The following PLCXD3 variants were observed in gnomAD, a reference collection of about 807,000 sequenced individuals.
The protein encoded by PLCXD3 is phosphatidylinositol specific phospholipase C X domain containing 3, also known as PI-PLC X domain-containing protein 3.
PLCXD3 carries 19 observed loss-of-function variants against 25.5 expected under a neutral mutation model. The observed-to-expected ratio is 0.75, with a 90% CI of 0.52 to 1.09. The LOEUF (loss-of-function observed/expected upper bound fraction) is 1.09, where lower values mean the gene tolerates loss of function less well. PLCXD3 is among the 50% of genes least tolerant of loss of function. PLCXD3 has a pLI of 0.00. For missense variants in PLCXD3, 411 were observed against 388.1 expected, an observed-to-expected ratio of 1.06 and a Z score of -0.50; for synonymous variants, 174 against 137.6, an observed-to-expected ratio of 1.26 and a Z score of -1.85.
chr5:41,361,095 G>C (rs879631425), intron 2 of PLCXD3, among the ~76,000 whole-genome samples: 1 of 152,030 alleles, frequency 6.6e-6, no homozygotes, highest in African/African-American at 2.4e-5. Flanking sequence ...TGTGGGGGAT[G>C]GGGGTGTGGA....
chr5:41,378,368 G>T (rs1745358598), intron 2 of PLCXD3, among the ~76,000 whole-genome samples: 1 of 152,096 alleles, frequency 6.6e-6, no homozygotes, highest in African/African-American at 2.4e-5. Context: ...ACTGGAGAGT[G>T]CCAGCACATC....
intron 1 of PLCXD3, among the ~76,000 whole-genome samples, chr5:41,476,895 A>G (rs1213706757): frequency 6.6e-6 from 1 of 152,214 alleles, no homozygotes; most frequent in Non-Finnish European, 1.5e-5. Context: ...GTCAAGAATG[A>G]TTCTGGAGAG....
chr5:41,434,645 T>C (rs1383780804), intron 1 of PLCXD3, among the ~76,000 whole-genome samples: 1 of 152,210 alleles, frequency 6.6e-6, no homozygotes, highest in Non-Finnish European at 1.5e-5. Flanking sequence ...ATTAGGGGTA[T>C]AAATTATAAA....
intron 2 of PLCXD3, among the ~76,000 whole-genome samples, chr5:41,327,386 T>G (rs1743663709): frequency 6.6e-6 from 1 of 150,784 alleles, no homozygotes; most frequent in African/African-American, 2.4e-5. Flanking sequence ...AAAGAAATTT[T>G]TAAAAAATTT....
At chr5:41,391,464 G>A (rs928540842) in intron 1 of PLCXD3, among the ~76,000 whole-genome samples, 1 of 152,158 alleles carries the variant, frequency 6.6e-6, no homozygotes, top group African/African-American at 2.4e-5. Flanking sequence ...TGGGCCAGAA[G>A]GGAACCTGCT....
chr5:41,404,887 A>T (rs752040275), intron 1 of PLCXD3, among the ~76,000 whole-genome samples: 1 of 152,152 alleles, frequency 6.6e-6, no homozygotes, highest in South Asian at 2.1e-4. Flanking sequence ...GTGAATGTTC[A>T]ATTCCAGTAT....
At chr5:41,470,600 G>C (rs1411958688) in intron 1 of PLCXD3, among the ~76,000 whole-genome samples, 5 of 152,148 alleles carry the variant, frequency 3.3e-5, no homozygotes, top group African/African-American at 1.2e-4. Flanking sequence ...GCATACCATG[G>C]AAATTGAAGG....
intron 1 of PLCXD3, among the ~76,000 whole-genome samples, chr5:41,509,015 T>C (rs755740684): frequency 3.3e-5 from 5 of 152,180 alleles, no homozygotes; most frequent in Admixed American, 2.6e-4. Flanking sequence ...CAGCCCCTTC[T>C]GTGGATAGCA....
At chr5:41,458,420 G>T (rs1430357663) in intron 1 of PLCXD3, among the ~76,000 whole-genome samples, 1 of 151,900 alleles carries the variant, frequency 6.6e-6, no homozygotes, top group Non-Finnish European at 1.5e-5. Flanking sequence ...AATGTGACCA[G>T]GCTGAATAGG....
chr5:41,395,357 G>A (rs997755260), intron 1 of PLCXD3, among the ~76,000 whole-genome samples: 1 of 151,910 alleles, frequency 6.6e-6, no homozygotes, highest in African/African-American at 2.4e-5. Context: ...AGCTATAAGT[G>A]CCTACATCAA....
chr5:41,411,264 A>C (rs909903147), intron 1 of PLCXD3, among the ~76,000 whole-genome samples: 1 of 152,238 alleles, frequency 6.6e-6, no homozygotes, highest in Non-Finnish European at 1.5e-5. Context: ...AAAATCTGAA[A>C]TAACACAACA....
chr5:41,413,313 C>A (rs1290738471), intron 1 of PLCXD3, among the ~76,000 whole-genome samples: 4 of 152,074 alleles, frequency 2.6e-5, no homozygotes, highest in African/African-American at 9.7e-5. Context: ...TCAGACCAGG[C>A]AAATCAAGAA....
At chr5:41,476,652 C>T (rs1007742414) in intron 1 of PLCXD3, among the ~76,000 whole-genome samples, 1 of 152,138 alleles carries the variant, frequency 6.6e-6, no homozygotes, top group Non-Finnish European at 1.5e-5. Context: ...CTTTTTTCCC[C>T]CTGATTTTTC....
intron 1 of PLCXD3, among the ~76,000 whole-genome samples, chr5:41,446,356 C>A (rs1414802593): frequency 6.6e-6 from 1 of 151,724 alleles, no homozygotes; most frequent in Non-Finnish European, 1.5e-5. Flanking sequence ...CACATTCATA[C>A]CAAAGCCATT....
At chr5:41,389,902 G>C (rs1004049437) in intron 1 of PLCXD3, among the ~76,000 whole-genome samples, 1 of 151,986 alleles carries the variant, frequency 6.6e-6, no homozygotes, top group Non-Finnish European at 1.5e-5. Flanking sequence ...ATACAATTCT[G>C]TGAGTTTGAA....
At chr5:41,476,613 C>A (rs897861677) in intron 1 of PLCXD3, among the ~76,000 whole-genome samples, 1 of 152,202 alleles carries the variant, frequency 6.6e-6, no homozygotes, top group African/African-American at 2.4e-5. Flanking sequence ...GAAGCTTGCA[C>A]CTGTCTTCTC....
chr5:41,380,998 C>T (rs970089299), intron 2 of PLCXD3, among the ~76,000 whole-genome samples: 7 of 151,948 alleles, frequency 4.6e-5, no homozygotes, highest in African/African-American at 1.2e-4. Flanking sequence ...TATAAGGCTG[C>T]GTATGTAGTA....
At chr5:41,392,320 G>C (rs187471587) in intron 1 of PLCXD3, among the ~76,000 whole-genome samples, 1 of 152,090 alleles carries the variant, frequency 6.6e-6, no homozygotes, top group South Asian at 2.1e-4. Flanking sequence ...AGCTTTAGGT[G>C]GCTCAGAACA....
At chr5:41,359,856 G>A (rs1281209366) in intron 2 of PLCXD3, among the ~76,000 whole-genome samples, 1 of 152,020 alleles carries the variant, frequency 6.6e-6, no homozygotes, top group Non-Finnish European at 1.5e-5. Flanking sequence ...TGTTCTTTGA[G>A]CTTCTTGTAT....
Sources: gnomAD v4.1 joint callset for allele counts (sites outside exome capture counted in the v4.1 genomes callset) on GRCh38, gnomAD v4.1.1 for gene constraint, MANE v1.5 for transcripts, NCBI Gene and HGNC (gene_info 2026-07-23, HGNC 2026-07-21) for gene names.